The following PLXNC1 variants were observed in gnomAD, a reference collection of about 807,000 sequenced individuals.
The protein encoded by PLXNC1 is plexin-C1.
PLXNC1 carries 75 observed loss-of-function variants against 178.2 expected under a neutral mutation model. That is an observed-to-expected ratio of 0.42 (90% CI 0.35 to 0.51). The LOEUF (loss-of-function observed/expected upper bound fraction) is 0.51. Among genes scored for constraint, PLXNC1 ranks in the 20% least tolerant of loss-of-function variants. PLXNC1 has a pLI of 0.02. For missense variants in PLXNC1, 1,503 were observed against 1,984.4 expected (o/e 0.76, Z 4.61); for synonymous variants, 790 against 779.9 (o/e 1.01, Z -0.22).
intron 1 of PLXNC1, among the ~76,000 whole-genome samples, chr12:94,163,114 C>T (rs768517899): frequency 1.4e-4 from 22 of 152,182 alleles, no homozygotes; most frequent in South Asian, 4.2e-4. Context: ...ACCTGTAATG[C>T]CAGCACTTTG....
chr12:94,243,593 GT>G (rs1282842609), intron 11 of PLXNC1, among the ~76,000 whole-genome samples: 16 of 152,158 alleles, frequency 1.1e-4, no homozygotes, highest in African/African-American at 3.6e-4. Context: ...ACAAAATTCT[GT>G]TTAGTGAAAC....
chr12:94,190,425 G>A (rs1303971493), intron 4 of PLXNC1, among the ~76,000 whole-genome samples: 1 of 152,066 alleles, frequency 6.6e-6, no homozygotes, highest in East Asian at 1.9e-4. Flanking sequence ...GTATTTTGTA[G>A]AGACGGGGTT....
At chr12:94,273,194 C>A (rs565979302) in intron 21 of PLXNC1, among the ~76,000 whole-genome samples, 1 of 152,210 alleles carries the variant, frequency 6.6e-6, no homozygotes, top group Non-Finnish European at 1.5e-5. Flanking sequence ...AATGCTGGTC[C>A]TTATTATTAC....
intron 6 of PLXNC1, among the ~76,000 whole-genome samples, chr12:94,221,027 C>A (rs1303705696): frequency 6.6e-6 from 1 of 152,154 alleles, no homozygotes; most frequent in Non-Finnish European, 1.5e-5. Context: ...CCTTGTGAAC[C>A]GTGAATCCTG....
rs1026064592 is a variant in PLXNC1, at chr12:94,260,671, C to T, written c.3281C>T (p.Ala1094Val). The T allele has an allele frequency of 1.2e-6, 2 of 1,613,906 alleles. No individual in the cohort carries two copies. Among genetic ancestry groups the T allele is most frequent in the Non-Finnish European group, 1.7e-6 (2 of 1,179,892 alleles). The change falls in exon 20 of 31, where the codon GCA becomes GTA. Residue 1094 changes from alanine (A) to valine (V), a missense_variant. This residue lies in a region of PLXNC1 where 639 missense variants were observed against 979.7 expected (regional missense o/e 0.65). Coordinates refer to ENST00000258526, the MANE Select transcript of PLXNC1 (RefSeq NM_005761.3). The surrounding 1 kb of genome is among the most constrained non-coding windows in gnomAD (Gnocchi z 4.4). ...RCLFASFLTIALQTKLVYLTS... is the reference protein window; with the variant it reads ...RCLFASFLTIVLQTKLVYLTS... ...CTGTTTGCCTCCTTCCTAACCATTG[C>T]ACTGCAAACCAAGCTGGTCTACCTG... is the stretch of plus-strand genomic sequence containing the variant.
chr12:94,179,740 C>CAAA (rs63329860), intron 2 of PLXNC1, among the ~76,000 whole-genome samples: 6 of 80,296 alleles, frequency 7.5e-5, no homozygotes, highest in Non-Finnish European at 1.0e-4. Flanking sequence ...GACTCCATCT[C>CAAA]AAAAAAAAAA....
intron 2 of PLXNC1, among the ~76,000 whole-genome samples, chr12:94,179,086 G>A (rs751696863): frequency 3.3e-5 from 5 of 152,158 alleles, no homozygotes; most frequent in Admixed American, 2.0e-4. Context: ...AGCTAGACTC[G>A]GGCCCAGGTC....
chr12:94,186,532 A>G (rs1962515334), intron 4 of PLXNC1, 59 bp downstream of exon 4: 1 of 1,064,790 alleles, frequency 9.4e-7, no homozygotes, highest in African/African-American at 1.6e-5. Flanking sequence ...ATGCGGCAGA[A>G]CACTTGTTGC....
At chr12:94,164,468 T>C (rs1230801242) in intron 1 of PLXNC1, among the ~76,000 whole-genome samples, 1 of 151,858 alleles carries the variant, frequency 6.6e-6, no homozygotes, top group African/African-American at 2.4e-5. Context: ...CCGGGCCATC[T>C]TTCACATGGT....
chr12:94,195,271 C>G (rs1298579617), intron 4 of PLXNC1, among the ~76,000 whole-genome samples: 1 of 152,206 alleles, frequency 6.6e-6, no homozygotes, highest in Non-Finnish European at 1.5e-5. Flanking sequence ...CCACCCCACC[C>G]TTCCTGGGTC....
At chr12:94,255,611 C>T (rs918801091) in intron 17 of PLXNC1, among the ~76,000 whole-genome samples, 2 of 152,102 alleles carry the variant, frequency 1.3e-5, no homozygotes, top group African/African-American at 2.4e-5. Context: ...GGGAAGTGAG[C>T]TAGTTTATTT....
At chr12:94,226,777 A>G in intron 8 of PLXNC1, 70 bp downstream of exon 8, 2 of 1,131,800 alleles carry the variant, frequency 1.8e-6, no homozygotes, top group Admixed American at 1.7e-5. Flanking sequence ...CAATCCCAGC[A>G]TTTTGGGAGG....
chr12:94,186,426 T>A lies in PLXNC1; in HGVS notation c.1392T>A (p.Cys464Ter). 1 of 1,613,966 alleles carries A rather than the reference T, an allele frequency of 6.2e-7. No homozygotes were observed. The highest frequency in any genetic ancestry group is 8.5e-7 in the Non-Finnish European group (1 of 1,179,834). Residue 464 changes from cysteine to a stop codon, truncating the protein, a stop_gained, in exon 4 of 31, where the codon TGT becomes TGA. Coordinates refer to ENST00000258526, the MANE Select transcript of PLXNC1 (RefSeq NM_005761.3). LOFTEE classifies it high-confidence loss of function. ...NCNKHKSCSECLTATDPHCGW... is the reference protein window; with the variant it reads ...NCNKHKSCSE The stretch of plus-strand genomic sequence containing the variant: ...ATAAACATAAATCCTGTTCGGAGTG[T>A]TTAACAGCCACAGACCCTCACTGCG...
intron 8 of PLXNC1, 152 bp from the exon 9 acceptor site, chr12:94,226,997 C>T (rs1209773384): frequency 1.6e-6 from 1 of 623,538 alleles, no homozygotes; most frequent in Non-Finnish European, 2.9e-6. Context: ...CACTCCCAGC[C>T]TGGGTGACAG....
intron 21 of PLXNC1, chr12:94,278,057 C>T: frequency 2.2e-6 from 1 of 456,006 alleles, no homozygotes; most frequent in Non-Finnish European, 4.4e-6. Context: ...GCTTTGGAGC[C>T]CCCCCTCCCT....
At chr12:94,230,490 T>C (rs1167324285) in intron 9 of PLXNC1, among the ~76,000 whole-genome samples, 1 of 152,186 alleles carries the variant, frequency 6.6e-6, no homozygotes, top group East Asian at 1.9e-4. Context: ...TTTTAGTGCT[T>C]CTCTGTGGAT....
intron 12 of PLXNC1, among the ~76,000 whole-genome samples, chr12:94,246,638 G>C (rs1345261553): frequency 6.6e-6 from 1 of 152,192 alleles, no homozygotes; most frequent in Non-Finnish European, 1.5e-5. Context: ...AGGGTTGGGT[G>C]ATCCTCTCAC....
intron 4 of PLXNC1, among the ~76,000 whole-genome samples, chr12:94,204,078 C>A (rs1212722474): frequency 6.6e-6 from 1 of 152,226 alleles, no homozygotes; most frequent in African/African-American, 2.4e-5. Context: ...CTCCAGCCTC[C>A]AGAACTGTAA....
At chr12:94,150,111 G>C in intron 1 of PLXNC1, 78 bp downstream of exon 1, 2 of 1,212,358 alleles carry the variant, frequency 1.6e-6, no homozygotes, top group Non-Finnish European at 2.2e-6. Context: ...GAACGAGCTG[G>C]GGGCGAGCGG....
Sources: allele counts gnomAD v4.1 joint callset (sites outside exome capture counted in the v4.1 genomes callset), GRCh38; gene constraint gnomAD v4.1.1; regional missense constraint gnomAD v4.1.1; non-coding constraint Gnocchi (gnomAD v3.1); transcripts MANE v1.5; gene names NCBI Gene and HGNC (gene_info 2026-07-23, HGNC 2026-07-21).